HPCAL4: variants seen among roughly 807,000 people sequenced by gnomAD.
HPCAL4 encodes hippocalcin like 4.
Under a neutral mutation model 18.2 loss-of-function variants are expected in HPCAL4, and 16 were observed. That is an observed-to-expected ratio of 0.88 (90% CI 0.59 to 1.33). HPCAL4 has a LOEUF of 1.33. Among genes scored for constraint, HPCAL4 ranks in the 40% most tolerant of loss-of-function variants. HPCAL4 has a pLI of 0.00. For synonymous variants in HPCAL4, 80 were observed against 97.5 expected, an observed-to-expected ratio of 0.82 and a Z score of 1.06; for missense variants, 214 against 256.6, an observed-to-expected ratio of 0.83 and a Z score of 1.14.
chr1:39,686,964 C>T (rs565395904), intron 1 of HPCAL4, among the ~76,000 whole-genome samples: 1 of 152,304 alleles, frequency 6.6e-6, no homozygotes, highest in Admixed American at 6.5e-5. Context: ...CCGATGTCTG[C>T]CAGTGGGCTT....
chr1:39,685,139 A>C (rs1646662749), intron 1 of HPCAL4, among the ~76,000 whole-genome samples: 1 of 152,206 alleles, frequency 6.6e-6, no homozygotes, highest in Admixed American at 6.5e-5. Context: ...TTGGCTTTTC[A>C]TTAATCCATT....
intron 1 of HPCAL4, among the ~76,000 whole-genome samples, chr1:39,689,834 G>A (rs1467780099): frequency 6.6e-6 from 1 of 150,982 alleles, no homozygotes; most frequent in Non-Finnish European, 1.5e-5. Flanking sequence ...TTGCCATGGT[G>A]ACAATAGCTC....
intron 1 of HPCAL4, among the ~76,000 whole-genome samples, chr1:39,689,829 A>G: frequency 6.6e-6 from 1 of 151,650 alleles, no homozygotes; most frequent in Non-Finnish European, 1.5e-5. Context: ...GGTGGTTGCC[A>G]TGGTGACAAT....
chr1:39,679,782 C>T lies in HPCAL4; in HGVS notation c.*2754G>A, dbSNP rs1247654760. 2 of 152,230 alleles carry T rather than the reference C, an allele frequency of 1.3e-5. No individual in the cohort carries two copies. Among genetic ancestry groups the T allele is most frequent in the Non-Finnish European group, 2.9e-5 (2 of 68,052 alleles). 9.4% of individuals were successfully genotyped at this position (152,230 alleles called of 1,614,324 possible). On this transcript the variant is annotated 3_prime_UTR_variant, in exon 4 of 4. Coordinates refer to ENST00000372844, the MANE Select transcript of HPCAL4 (RefSeq NM_016257.4). ...GGCCACCTGTTGTTCCTTCCATCAG[C>T]AAGATGGTGGTCCCAGTTCCTGGCC...
Position 39,684,117 on chromosome 1 carries a change from C to T in HPCAL4, c.198G>A (p.Gln66=). 1 of 1,613,560 alleles carries T rather than the reference C, an allele frequency of 6.2e-7. No individual in the cohort carries two copies. Among genetic ancestry groups the T allele is most frequent in the South Asian group, 1.1e-5 (1 of 91,072 alleles). Residue 66 remains glutamine (Q), a synonymous_variant, in exon 3 of 4, where the codon CAG becomes CAA. Transcript: ENST00000372844. ...TCTTGTCGAAGGTGCGGAAAGCGTG[C>T]TGCGCGAACTTGGAGGCGTCGCCGT... The part of the protein sequence containing the change: ...FPYGDASKFA[Q]HAFRTFDKNG...
rs76058399 is a variant in HPCAL4 at position 39,683,578 on chromosome 1, A to T, written c.378+359T>A. ...GCATGTCTTCATTCATTTATTTTTT[A>T]AAAAAATTTCTCACTAGAAGGAATG... On this transcript the variant is annotated intron_variant, in intron 3 of 3. Coordinates refer to ENST00000372844, the MANE Select transcript of HPCAL4 (RefSeq NM_016257.4). Among the ~76,000 whole-genome samples, 965 of 152,262 alleles carry T rather than the reference A, an allele frequency of 6.3e-3. 10 individuals carry two copies. Among genetic ancestry groups the T allele is most frequent in the African/African-American group, 0.017 (717 of 41,550 alleles).
intron 1 of HPCAL4, among the ~76,000 whole-genome samples, chr1:39,687,894 C>A (rs1646688440): frequency 1.5e-5 from 2 of 136,072 alleles, no homozygotes; most frequent in South Asian, 5.6e-4. Flanking sequence ...CAGAGCAAGA[C>A]CCTGTCTCAA....
intron 1 of HPCAL4, among the ~76,000 whole-genome samples, chr1:39,690,783 G>A (rs1189613641): frequency 6.6e-6 from 1 of 152,072 alleles, no homozygotes; most frequent in Non-Finnish European, 1.5e-5. Context: ...GTGGGATGTG[G>A]GGACAGTGTC....
rs1269108539 is a variant in HPCAL4 at position 39,684,112 on chromosome 1, G to C, written c.203C>G (p.Ala68Gly). The stretch of plus-strand genomic sequence containing the variant: ...GCCGTTCTTGTCGAAGGTGCGGAAA[G>C]CGTGCTGCGCGAACTTGGAGGCGTC... Reference protein sequence around the residue: ...YGDASKFAQHAFRTFDKNGDG... With the variant: ...YGDASKFAQHGFRTFDKNGDG... The change falls in exon 3 of 4, where the codon GCT becomes GGT. Residue 68 changes from alanine to glycine, a missense_variant. By Grantham distance (60) the Ala-to-Gly change is moderately conservative. Transcript: ENST00000372844. The C allele has an allele frequency of 6.2e-7, 1 of 1,613,866 alleles. No individual in the cohort carries two copies. The highest frequency in any genetic ancestry group is 2.2e-5 in the East Asian group (1 of 44,864).
rs1003596838 is a variant in HPCAL4 at position 39,684,453 on chromosome 1, G to A, written c.151C>T (p.Leu51Phe). 6.2e-7 allele frequency: 1 copy of A among 1,604,960 alleles called. No homozygotes were observed. Among genetic ancestry groups the A allele is most frequent in the African/African-American group, 1.3e-5 (1 of 74,590 alleles). ...GILNLEEFQQ[L>F]YIKFFPYGDA... ...TGCCGGCCGCCCACCTTGATGTAGA[G>A]CTGCTGAAACTCCTCCAGGTTGAGG... The change falls in exon 2 of 4, where the codon CTC becomes TTC. Residue 51 changes from leucine (L) to phenylalanine (F), a missense_variant. By Grantham distance (22) the Leu-to-Phe change is conservative. Coordinates refer to ENST00000372844, the MANE Select transcript of HPCAL4 (RefSeq NM_016257.4).
chr1:39,689,710 C>T (rs776308890), intron 1 of HPCAL4, among the ~76,000 whole-genome samples: 1 of 152,184 alleles, frequency 6.6e-6, no homozygotes, highest in Non-Finnish European at 1.5e-5. Context: ...TTCAAGAGGG[C>T]TAAGGGCTGT....
In HPCAL4 at chr1:39,683,972, G is replaced by A; in HGVS notation, c.343C>T (p.Arg115Cys). The change falls in exon 3 of 4, where the codon CGC (arginine) becomes TGC (cysteine). Residue 115 changes from arginine (R) to cysteine (C), a missense_variant. Physicochemically the swap from Arg to Cys is radical, Grantham distance 180. Transcript: ENST00000372844. Reference protein sequence around the residue: ...FEMYDLDGDGRITRLEMLEII... With the variant: ...FEMYDLDGDGCITRLEMLEII... ...TCCAGCATCTCCAGGCGCGTGATGC[G>A]CCCGTCGCCGTCCAGGTCGTACATC... 1.9e-6 allele frequency: 3 copies of A among 1,613,746 alleles called. No homozygotes were observed. The highest frequency in any genetic ancestry group is 2.5e-6 in the Non-Finnish European group (3 of 1,179,822).
chr1:39,682,555 T>C lies in HPCAL4; in HGVS notation c.557A>G (p.Gln186Arg). 1 of 1,614,244 alleles carries C rather than the reference T, an allele frequency of 6.2e-7. No individual in the cohort carries two copies. The highest frequency in any genetic ancestry group is 1.1e-5 in the South Asian group (1 of 91,090). The change falls in exon 4 of 4, where the codon CAG becomes CGG. Residue 186 changes from glutamine (Q) to arginine (R), a missense_variant. Physicochemically the swap from Gln to Arg is conservative, Grantham distance 43. Coordinates refer to ENST00000372844, the MANE Select transcript of HPCAL4 (RefSeq NM_016257.4). ...KSDPSIVLLL[Q>R]CDMQK ...CAGCTTCTACTTCTGCATGTCACACTGCAGCAGCAACACAATGGATGGGTC... is the reference window on the plus strand; with the variant it reads ...CAGCTTCTACTTCTGCATGTCACACCGCAGCAGCAACACAATGGATGGGTC...
intron 1 of HPCAL4, among the ~76,000 whole-genome samples, chr1:39,685,390 T>G (rs961234428): frequency 6.6e-6 from 1 of 152,152 alleles, no homozygotes; most frequent in Admixed American, 6.5e-5. Flanking sequence ...GCTTATGATA[T>G]ACCCAGTCTT....
chr1:39,686,180 C>CA (rs35915782), intron 1 of HPCAL4, among the ~76,000 whole-genome samples: 21,863 of 86,274 alleles, frequency 0.25, 2,670 homozygotes, highest in South Asian at 0.33. Flanking sequence ...GACTCCGTCT[C>CA]AAAAAAAAAA....
chr1:39,684,636 A>G, intron 1 of HPCAL4, 25 bp from the exon 2 acceptor site: 2 of 1,541,864 alleles, frequency 1.3e-6, no homozygotes, highest in Non-Finnish European at 1.7e-6. Flanking sequence ...GATTCCTCCG[A>G]CTGGGTCCAG....
chr1:39,683,269 G>T (rs1355455562), intron 3 of HPCAL4, among the ~76,000 whole-genome samples: 1 of 152,118 alleles, frequency 6.6e-6, no homozygotes, highest in Non-Finnish European at 1.5e-5. Context: ...CTTACTGATG[G>T]GGCTCCTGGC....
At chr1:39,687,575 G>A (rs1169958502) in intron 1 of HPCAL4, among the ~76,000 whole-genome samples, 1 of 152,154 alleles carries the variant, frequency 6.6e-6, no homozygotes, top group Non-Finnish European at 1.5e-5. Flanking sequence ...TCCCTGCTCT[G>A]TGCTGCCTTC....
chr1:39,687,632 T>C (rs1192686089), intron 1 of HPCAL4, among the ~76,000 whole-genome samples: 4 of 152,220 alleles, frequency 2.6e-5, no homozygotes, highest in South Asian at 2.1e-4. Flanking sequence ...CCTGCTTTTA[T>C]TGGGTCTCAG....
Sources: allele counts gnomAD v4.1 joint callset (sites outside exome capture counted in the v4.1 genomes callset), GRCh38; gene constraint gnomAD v4.1.1; transcripts MANE v1.5; gene names NCBI Gene and HGNC (gene_info 2026-07-23, HGNC 2026-07-21).